The following NRG3 variants were observed in gnomAD, a reference collection of about 807,000 sequenced individuals.
The protein encoded by NRG3 is pro-neuregulin-3, membrane-bound isoform.
In NRG3, 31 loss-of-function variants were observed where a neutral mutation model predicts 66.9. The ratio of observed to expected loss-of-function variants is 0.46; its 90% CI spans 0.35 to 0.63. NRG3 has a LOEUF of 0.63. NRG3 is among the 20% of genes least tolerant of loss of function. NRG3 has a pLI of 0.00. For synonymous variants in NRG3, 393 were observed against 359.4 expected, an observed-to-expected ratio of 1.09 and a Z score of -1.06; for missense variants, 910 against 878.9, an observed-to-expected ratio of 1.04 and a Z score of -0.45.
At chr10:82,418,728 G>A (rs1047644107) in intron 2 of NRG3, among the ~76,000 whole-genome samples, 87 of 152,122 alleles carry the variant, frequency 5.7e-4, no homozygotes, top group African/African-American at 1.9e-3. Context: ...AGCCTCCTGA[G>A]TAGCTAGTAC....
At chr10:81,987,101 G>A (rs977956037) in intron 1 of NRG3, among the ~76,000 whole-genome samples, 13 of 151,860 alleles carry the variant, frequency 8.6e-5, no homozygotes, top group Admixed American at 8.5e-4. Context: ...TTTCTGAGAG[G>A]GAGTCTTGCT....
chr10:82,356,752 T>C (rs1187030508), intron 1 of NRG3, among the ~76,000 whole-genome samples: 1 of 152,240 alleles, frequency 6.6e-6, no homozygotes, highest in Non-Finnish European at 1.5e-5. Context: ...TTGCAATCTT[T>C]ATCAATATTA....
At position 82,284,242 on chromosome 10, in the gene NRG3, C is replaced by T. The variant is rs1186448618; in HGVS notation, c.824-74497C>T. Among the ~76,000 whole-genome samples, 3 of 152,194 alleles carry T rather than the reference C, an allele frequency of 2.0e-5. No individual in the cohort carries two copies. In the East Asian group the frequency reaches 5.8e-4, roughly 29 times the overall value. Reference sequence around the variant, plus strand: ...GCTAATGCCAGCAAGCCCTTTGCTACAGAGATGGAGAGTTTAATTGTTCCC... The same window carrying T: ...GCTAATGCCAGCAAGCCCTTTGCTATAGAGATGGAGAGTTTAATTGTTCCC... On this transcript the variant is annotated intron_variant, in intron 1 of 8. Transcript: ENST00000372141.
intron 1 of NRG3, among the ~76,000 whole-genome samples, chr10:82,005,897 T>TTGTGTGTGTGTGTG (rs58906037): frequency 1.5e-4 from 22 of 148,846 alleles, no homozygotes; most frequent in South Asian, 6.4e-4. Flanking sequence ...AATGTGTATT[T>TTGTGTGTGTGTGTG]TGTGTGTGTG....
At chr10:82,209,342 T>TAC (rs1327808797) in intron 1 of NRG3, among the ~76,000 whole-genome samples, 1 of 76,368 alleles carries the variant, frequency 1.3e-5, no homozygotes, top group Admixed American at 1.5e-4. Flanking sequence ...ACATACATAT[T>TAC]ACACTCTCTC....
chr10:82,019,218 G>C (rs1368938855), intron 1 of NRG3, among the ~76,000 whole-genome samples: 1 of 152,154 alleles, frequency 6.6e-6, no homozygotes, highest in Non-Finnish European at 1.5e-5. Flanking sequence ...CTTTGGTTCT[G>C]TTTATATACT....
chr10:82,568,088 A>G (rs569034545), intron 2 of NRG3, among the ~76,000 whole-genome samples: 43 of 152,024 alleles, frequency 2.8e-4, no homozygotes, highest in Admixed American at 7.2e-4. Flanking sequence ...AAAATATTAT[A>G]CATTAAAACA....
chr10:82,674,702 T>C (rs1215759789), intron 2 of NRG3, among the ~76,000 whole-genome samples: 1 of 152,072 alleles, frequency 6.6e-6, no homozygotes, highest in Non-Finnish European at 1.5e-5. Context: ...AGTGAGAATG[T>C]TGTGCTGGAT....
At chr10:82,670,852 T>A (rs1278978296) in intron 2 of NRG3, among the ~76,000 whole-genome samples, 1 of 152,196 alleles carries the variant, frequency 6.6e-6, no homozygotes, top group Non-Finnish European at 1.5e-5. Context: ...TGAAACATGT[T>A]TGCATAGAGA....
At chr10:81,937,537 G>A (rs1172398069) in intron 1 of NRG3, among the ~76,000 whole-genome samples, 1 of 151,898 alleles carries the variant, frequency 6.6e-6, no homozygotes, top group East Asian at 1.9e-4. Flanking sequence ...ATGCTTGTGG[G>A]CCATTTGGAT....
chr10:82,147,126 T>C (rs1407359005), intron 1 of NRG3, among the ~76,000 whole-genome samples: 1 of 152,148 alleles, frequency 6.6e-6, no homozygotes, highest in Admixed American at 6.5e-5. Flanking sequence ...TTGGGTCAAA[T>C]TGGAGTAAGC....
At chr10:82,709,549 T>A (rs1299762157) in intron 2 of NRG3, among the ~76,000 whole-genome samples, 10 of 152,062 alleles carry the variant, frequency 6.6e-5, no homozygotes. Context: ...CCCCAGCTGA[T>A]TTTTGTATGT....
chr10:81,935,935 G>A (rs1165837342), intron 1 of NRG3, among the ~76,000 whole-genome samples: 1 of 147,938 alleles, frequency 6.8e-6, no homozygotes, highest in Non-Finnish European at 1.5e-5. Flanking sequence ...AGTTTCCTGT[G>A]TTAAAATGGT....
At chr10:82,341,112 C>T (rs2082664001) in intron 1 of NRG3, among the ~76,000 whole-genome samples, 1 of 152,014 alleles carries the variant, frequency 6.6e-6, no homozygotes, top group Admixed American at 6.6e-5. Context: ...AATATATACA[C>T]CAGCTATGTA....
chr10:82,826,560 C>G (rs545304819), intron 3 of NRG3, among the ~76,000 whole-genome samples: 2 of 152,138 alleles, frequency 1.3e-5, no homozygotes, highest in Non-Finnish European at 2.9e-5. Flanking sequence ...TACATATATA[C>G]CAGGGAATAC....
Position 82,083,772 on chromosome 10 carries a change from TG to T in NRG3, c.823+207610del, listed in dbSNP as rs1422685158. On this transcript the variant is annotated intron_variant, in intron 1 of 8. Transcript: ENST00000372141. ...ACCATGCCCGGCTAATGTTTTTTTT[TG>T]TTTTTTTTGTTTTTTGCATTTTTAA... Among the ~76,000 whole-genome samples, 369 of 151,084 alleles carry T rather than the reference TG, an allele frequency of 2.4e-3. 1 individual carries two copies. The highest frequency in any genetic ancestry group is 8.5e-3 in the African/African-American group (348 of 41,116).
intron 1 of NRG3, among the ~76,000 whole-genome samples, chr10:82,348,163 C>T (rs571204296): frequency 7.9e-5 from 12 of 152,170 alleles, no homozygotes; most frequent in South Asian, 2.1e-4. Context: ...TTCCTAGCCT[C>T]GATGGTCTTT....
intron 3 of NRG3, among the ~76,000 whole-genome samples, chr10:82,774,686 T>A (rs1225754962): frequency 6.6e-6 from 1 of 151,922 alleles, no homozygotes; most frequent in Non-Finnish European, 1.5e-5. Context: ...TAGTTAGATG[T>A]TTTTTGATTT....
intron 1 of NRG3, among the ~76,000 whole-genome samples, chr10:82,240,998 G>T (rs1338700823): frequency 1.3e-5 from 2 of 152,030 alleles, no homozygotes; most frequent in South Asian, 2.1e-4. Flanking sequence ...CAAGAGGAAA[G>T]GTTCTTTTTA....
Sources: gnomAD v4.1 joint callset for allele counts (sites outside exome capture counted in the v4.1 genomes callset) on GRCh38, gnomAD v4.1.1 for gene constraint, MANE v1.5 for transcripts, NCBI Gene and HGNC (gene_info 2026-07-23, HGNC 2026-07-21) for gene names.